COBL: variants seen among roughly 807,000 people sequenced by gnomAD.
The protein encoded by COBL is protein cordon-bleu.
Under a neutral mutation model 98.8 loss-of-function variants are expected in COBL, and 51 were observed. The ratio of observed to expected loss-of-function variants is 0.52; its 90% CI spans 0.41 to 0.65. The LOEUF (loss-of-function observed/expected upper bound fraction) is 0.65, where lower values mean the gene tolerates loss of function less well. COBL is among the 30% of genes least tolerant of loss of function. The pLI is 0.00. For synonymous variants in COBL, 634 were observed against 651.7 expected, an observed-to-expected ratio of 0.97 and a Z score of 0.41; for missense variants, 1,617 against 1,617.5, an observed-to-expected ratio of 1.00 and a Z score of 0.01.
chr7:51,126,646 G>T (rs568012604), intron 6 of COBL, among the ~76,000 whole-genome samples: 1 of 152,220 alleles, frequency 6.6e-6, no homozygotes, highest in Non-Finnish European at 1.5e-5. Flanking sequence ...ACAGTCCATG[G>T]CATGTGTAGC....
In COBL at chr7:51,029,138, C is replaced by A; in HGVS notation, c.1958G>T (p.Gly653Val). 6.2e-7 allele frequency: 1 copy of A among 1,614,172 alleles called. No individual in the cohort carries two copies. Among genetic ancestry groups the A allele is most frequent in the Non-Finnish European group, 8.5e-7 (1 of 1,180,028 alleles). The change falls in exon 10 of 13, where the codon GGC becomes GTC. Residue 653 changes from glycine to valine, a missense_variant. By Grantham distance (109) the Gly-to-Val change is moderately radical. Around this residue, in one of 3 missense-constraint regions of COBL, gnomAD observed 1,304 missense variants for 1,282.0 expected, o/e 1.02. Coordinates refer to ENST00000265136, the MANE Select transcript of COBL (RefSeq NM_015198.5). Reference sequence around the variant, plus strand: ...TTGAGTCCTCTCCCCGTCAGCACAGCCATACACTTTGTCTTTCACTTTTGC... The same window carrying A: ...TTGAGTCCTCTCCCCGTCAGCACAGACATACACTTTGTCTTTCACTTTTGC... Reference protein sequence around the residue: ...LNAKVKDKVYGCADGERTQAT... With the variant: ...LNAKVKDKVYVCADGERTQAT...
In COBL at chr7:51,085,500, G is replaced by A. The variant is rs117460098; in HGVS notation, c.958-196C>T. ...GGAGGCCATGAGGCGAGAGACCAGC[G>A]GATGTCCAAGGAGTGGCCTGGAGGT... On this transcript the variant is annotated intron_variant, in intron 6 of 12. Coordinates refer to ENST00000265136, the MANE Select transcript of COBL (RefSeq NM_015198.5). Among the ~76,000 whole-genome samples, 923 of 152,278 alleles carry A rather than the reference G, an allele frequency of 6.1e-3. 4 individuals carry two copies. Among genetic ancestry groups the A allele is most frequent in the Middle Eastern group, 0.01 (3 of 294 alleles).
At chr7:51,172,495 A>C in intron 5 of COBL, 2 of 1,288,366 alleles carry the variant, frequency 1.6e-6, no homozygotes, top group Non-Finnish European at 2.0e-6. Flanking sequence ...AGGTGTCCTC[A>C]TCGCTGTCTG....
Position 51,044,138 on chromosome 7 carries a change from C to T in COBL, c.1097-446G>A, listed in dbSNP as rs140015489. Among the ~76,000 whole-genome samples the T allele has an allele frequency of 5.5e-3, 833 of 152,276 alleles. 7 individuals carry two copies. Among genetic ancestry groups the T allele is most frequent in the Non-Finnish European group, 6.8e-3 (466 of 68,032 alleles). On this transcript the variant is annotated intron_variant, in intron 7 of 12. Coordinates refer to ENST00000265136, the MANE Select transcript of COBL (RefSeq NM_015198.5). The stretch of plus-strand genomic sequence containing the variant: ...TAAGTATCAGTTTGGACACATCTGA[C>T]GTGTATTTCATATTTGAAATCTGGC...
In COBL at chr7:51,269,081, C is replaced by T. The variant is rs528388235; in HGVS notation, c.41+47512G>A. On this transcript the variant is annotated intron_variant, in intron 1 of 12. Transcript: ENST00000265136. ...CAGAAGGCGCCAGCACCCAGCCACC[C>T]GCTGCAGCAGGCTCTGTATAGCTGC... Among the ~76,000 whole-genome samples, 688 of 152,114 alleles carry T rather than the reference C, an allele frequency of 4.5e-3. 2 individuals carry two copies. Among genetic ancestry groups the T allele is most frequent in the South Asian group, 0.014 (68 of 4,796 alleles).
intron 2 of COBL, among the ~76,000 whole-genome samples, chr7:51,195,564 A>C (rs1327663412): frequency 6.6e-6 from 1 of 152,206 alleles, no homozygotes; most frequent in African/African-American, 2.4e-5. Flanking sequence ...TGTCATTGAT[A>C]GTTTAATAGG....
rs535853363 is a variant in COBL, at chr7:51,136,348, A to G, written c.784-17T>C. ...TAAACAGCCCTGTTGGGGAAGAGAC[A>G]AACAGAAAACCAAATCAGTATGAGA... On this transcript the variant is annotated splice_polypyrimidine_tract_variant and intron_variant, in intron 5 of 12. Coordinates refer to ENST00000265136, the MANE Select transcript of COBL (RefSeq NM_015198.5). 4 of 1,603,096 alleles carry G rather than the reference A, an allele frequency of 2.5e-6. No individual in the cohort carries two copies. Among genetic ancestry groups the G allele is most frequent in the African/African-American group, 2.7e-5 (2 of 74,512 alleles).
intron 7 of COBL, among the ~76,000 whole-genome samples, chr7:51,048,638 T>C (rs1202271988): frequency 6.6e-6 from 1 of 152,166 alleles, no homozygotes; most frequent in Non-Finnish European, 1.5e-5. Context: ...CTTGAGTTTT[T>C]TTTTTTATTC....
At chr7:51,286,127 G>A (rs1417459474) in intron 1 of COBL, among the ~76,000 whole-genome samples, 1 of 151,900 alleles carries the variant, frequency 6.6e-6, no homozygotes, top group Non-Finnish European at 1.5e-5. Flanking sequence ...TGATCTAAAT[G>A]GAAAAGTAAA....
chr7:51,027,634 C>T, intron 10 of COBL, 78 bp downstream of exon 10: 1 of 1,249,204 alleles, frequency 8.0e-7, no homozygotes, highest in Non-Finnish European at 1.1e-6. Context: ...CTCTCCTCCG[C>T]TTTATTCTGA....
At chr7:51,096,487 A>G (rs2128956585) in intron 6 of COBL, among the ~76,000 whole-genome samples, 1 of 152,236 alleles carries the variant, frequency 6.6e-6, no homozygotes, top group Middle Eastern at 3.4e-3. Flanking sequence ...CCAACATTTA[A>G]TAGAAAGATT....
intron 7 of COBL, among the ~76,000 whole-genome samples, chr7:51,062,465 G>A (rs567344644): frequency 6.6e-6 from 1 of 152,234 alleles, no homozygotes; most frequent in South Asian, 2.1e-4. Context: ...CGCTCGGCTG[G>A]CCTGCTGAGA....
chr7:51,230,020 CT>C (rs1299357351), intron 1 of COBL, among the ~76,000 whole-genome samples: 3 of 152,124 alleles, frequency 2.0e-5, no homozygotes, highest in Non-Finnish European at 1.5e-5. Context: ...GCAGTATCAC[CT>C]GAATTTAACC....
chr7:51,160,970 C>A (rs183442374), intron 5 of COBL, among the ~76,000 whole-genome samples: 1 of 151,592 alleles, frequency 6.6e-6, no homozygotes, highest in African/African-American at 2.4e-5. Context: ...GTGGCGCAAT[C>A]GAGGCTCACT....
At chr7:51,297,916 T>C (rs188560278) in intron 1 of COBL, among the ~76,000 whole-genome samples, 163 of 152,312 alleles carry the variant, frequency 1.1e-3, no homozygotes, top group African/African-American at 3.7e-3. Context: ...CATATTGCCC[T>C]ATGGTAAGTC....
chr7:51,267,981 C>T (rs1038208348), intron 1 of COBL, among the ~76,000 whole-genome samples: 3 of 152,312 alleles, frequency 2.0e-5, no homozygotes, highest in Admixed American at 2.0e-4. Context: ...TGTACCTCCA[C>T]TTTTGAGACC....
chr7:51,187,601 G>A (rs900335369), intron 4 of COBL, among the ~76,000 whole-genome samples: 9 of 152,172 alleles, frequency 5.9e-5, no homozygotes, highest in East Asian at 5.8e-4. Context: ...CCTTTCCTGC[G>A]CACACCACTT....
chr7:51,312,464 A>G (rs1421728076), intron 1 of COBL, among the ~76,000 whole-genome samples: 2 of 152,244 alleles, frequency 1.3e-5, no homozygotes, highest in African/African-American at 4.8e-5. Flanking sequence ...TTGGTATCAA[A>G]TATTTATGCT....
chr7:51,283,320 T>C (rs533134600), intron 1 of COBL, among the ~76,000 whole-genome samples: 1 of 152,054 alleles, frequency 6.6e-6, no homozygotes, highest in African/African-American at 2.4e-5. Context: ...CCACAGACAA[T>C]ACAAGAATAA....
Sources: allele counts gnomAD v4.1 joint callset (sites outside exome capture counted in the v4.1 genomes callset), GRCh38; gene constraint gnomAD v4.1.1; regional missense constraint gnomAD v4.1.1; transcripts MANE v1.5; gene names NCBI Gene and HGNC (gene_info 2026-07-23, HGNC 2026-07-21).